Variants in DAB1 observed in about 807,000 individuals in gnomAD.
DAB1 encodes DAB adaptor protein 1, also known as disabled homolog 1.
A neutral mutation model predicts 64.6 loss-of-function variants in DAB1; 15 were observed. The ratio of observed to expected loss-of-function variants is 0.23; its 90% CI spans 0.16 to 0.36. DAB1 has a LOEUF of 0.36. Among genes scored for constraint, DAB1 ranks in the 10% least tolerant of loss-of-function variants. The pLI, the probability that DAB1 is intolerant of heterozygous loss-of-function variation, is 1.00. For synonymous variants in DAB1, 235 were observed against 251.9 expected (o/e 0.93, Z 0.64); for missense variants, 596 against 706.7 (o/e 0.84, Z 1.78).
At chr1:58,082,073 G>C (rs75248925) in intron 5 of DAB1, among the ~76,000 whole-genome samples, 10,316 of 152,252 alleles carry the variant, frequency 0.068, 430 homozygotes, top group African/African-American at 0.1. Flanking sequence ...GAGAAGCCCA[G>C]AGAAGGACCA....
chr1:57,963,390 A>C (rs940773460), intron 5 of DAB1, among the ~76,000 whole-genome samples: 1 of 152,188 alleles, frequency 6.6e-6, no homozygotes, highest in Non-Finnish European at 1.5e-5. Flanking sequence ...TCTTATCTGT[A>C]GTTTCACATG....
intron 4 of DAB1, among the ~76,000 whole-genome samples, chr1:58,339,163 A>G (rs1270224414): frequency 1.3e-5 from 2 of 152,198 alleles, no homozygotes; most frequent in African/African-American, 4.8e-5. Flanking sequence ...TATGAATTCT[A>G]TGTAATTTTT....
At chr1:57,590,469 G>A (rs568697795) in intron 7 of DAB1, among the ~76,000 whole-genome samples, 12 of 151,794 alleles carry the variant, frequency 7.9e-5, no homozygotes, top group African/African-American at 2.7e-4. Flanking sequence ...ACAGGCACAC[G>A]TCACCATGCT....
intron 2 of DAB1, among the ~76,000 whole-genome samples, chr1:57,275,383 A>G (rs929211185): frequency 5.3e-5 from 8 of 152,228 alleles, no homozygotes; most frequent in African/African-American, 1.9e-4. Flanking sequence ...AATTCTAAGA[A>G]GAGAATATAA....
chr1:57,916,003 G>T (rs1489516321), intron 5 of DAB1, among the ~76,000 whole-genome samples: 2 of 152,186 alleles, frequency 1.3e-5, no homozygotes, highest in Non-Finnish European at 2.9e-5. Flanking sequence ...TGGCATTGCT[G>T]CTTCCAGCCT....
intron 3 of DAB1, chr1:58,415,577 C>T (rs943633648): frequency 1.2e-5 from 2 of 162,080 alleles, no homozygotes; most frequent in African/African-American, 2.4e-5. Context: ...TTATTTATTT[C>T]GAATACCAAA....
chr1:57,926,318 T>C (rs1416036159), intron 5 of DAB1, among the ~76,000 whole-genome samples: 1 of 152,198 alleles, frequency 6.6e-6, no homozygotes, highest in East Asian at 1.9e-4. Flanking sequence ...GAGTTCCCTT[T>C]CATTTGTAAC....
chr1:57,547,806 G>C (rs1644871876), intron 7 of DAB1, among the ~76,000 whole-genome samples: 1 of 152,144 alleles, frequency 6.6e-6, no homozygotes, highest in Admixed American at 6.5e-5. Context: ...GTCAATATTA[G>C]GAGAAACTGA....
chr1:57,166,212 C>T (rs1661197561), intron 2 of DAB1, among the ~76,000 whole-genome samples: 1 of 152,038 alleles, frequency 6.6e-6, no homozygotes, highest in Non-Finnish European at 1.5e-5. Context: ...AAAAAGCTTA[C>T]AATAGACAGG....
rs111430168 is a variant in DAB1 at position 58,338,861 on chromosome 1, T to C, written n.309+4491A>G. On this transcript the variant is annotated intron_variant and non_coding_transcript_variant, in intron 4 of 20. Transcript: ENST00000485760. ...TAAAGTTCTGATTCATACTGTAACA[T>C]AGATGAGCCTTGAACATAGTATGCT... Among the ~76,000 whole-genome samples, 451 of 152,304 alleles carry C rather than the reference T, an allele frequency of 3.0e-3. 2 individuals are homozygous for C. Among genetic ancestry groups the C allele is most frequent in the Non-Finnish European group, 4.9e-3 (331 of 68,024 alleles).
intron 2 of DAB1, among the ~76,000 whole-genome samples, chr1:57,183,493 G>C (rs1197267842): frequency 3.9e-5 from 6 of 152,194 alleles, no homozygotes; most frequent in Non-Finnish European, 8.8e-5. Flanking sequence ...CTATGAAACA[G>C]AGAGGGAAGG....
chr1:57,095,403 G>C (rs1210423551), intron 4 of DAB1, among the ~76,000 whole-genome samples: 4 of 152,202 alleles, frequency 2.6e-5, no homozygotes, highest in Non-Finnish European at 5.9e-5. Flanking sequence ...GGAGAAGGAA[G>C]TTCTGAGTCC....
intron 7 of DAB1, among the ~76,000 whole-genome samples, chr1:57,537,582 T>G (rs1644745594): frequency 6.6e-6 from 1 of 152,166 alleles, no homozygotes; most frequent in African/African-American, 2.4e-5. Context: ...AAAAAGCTCC[T>G]AGGTGATTCT....
intron 3 of DAB1, among the ~76,000 whole-genome samples, chr1:58,386,541 C>T (rs936414151): frequency 2.6e-5 from 4 of 152,062 alleles, no homozygotes; most frequent in Non-Finnish European, 5.9e-5. Flanking sequence ...AGAGGGTAAG[C>T]GACTTATCCA....
intron 3 of DAB1, among the ~76,000 whole-genome samples, chr1:58,492,128 C>A (rs1645705530): frequency 6.6e-6 from 1 of 152,162 alleles, no homozygotes. Flanking sequence ...AACCACTCAA[C>A]CACATGGCAA....
At chr1:57,303,807 T>C (rs1227899827) in intron 1 of DAB1, among the ~76,000 whole-genome samples, 1 of 152,156 alleles carries the variant, frequency 6.6e-6, no homozygotes, top group Non-Finnish European at 1.5e-5. Context: ...TCCCAAGAGA[T>C]ACCCAGGATT....
intron 6 of DAB1, among the ~76,000 whole-genome samples, chr1:57,705,123 T>C (rs967129514): frequency 6.6e-6 from 1 of 152,128 alleles, no homozygotes; most frequent in Non-Finnish European, 1.5e-5. Context: ...ATTCTACTCA[T>C]AGTTGTGGTT....
chr1:57,079,378 C>T (rs1330639858), intron 4 of DAB1, among the ~76,000 whole-genome samples: 1 of 152,132 alleles, frequency 6.6e-6, no homozygotes, highest in African/African-American at 2.4e-5. Flanking sequence ...TGCTTGTCCA[C>T]TCCTCTCCAT....
At chr1:57,387,495 C>T (rs1456284442) in intron 1 of DAB1, 2 of 152,154 alleles carry the variant, frequency 1.3e-5, no homozygotes, top group East Asian at 3.9e-4. Flanking sequence ...CACACACACA[C>T]ACGCTCCTCT....
Sources: gnomAD v4.1 joint callset for allele counts (sites outside exome capture counted in the v4.1 genomes callset) on GRCh38, gnomAD v4.1.1 for gene constraint, MANE v1.5 for transcripts, NCBI Gene and HGNC (gene_info 2026-07-23, HGNC 2026-07-21) for gene names.